Variants in FLT4 observed in about 807,000 individuals in gnomAD.
FLT4 encodes the protein fms related receptor tyrosine kinase 4.
Under a neutral mutation model 163.2 loss-of-function variants are expected in FLT4, and 30 were observed. That is an observed-to-expected ratio of 0.18 (90% CI 0.14 to 0.25). The LOEUF (loss-of-function observed/expected upper bound fraction) is 0.25. FLT4 is among the 10% of genes least tolerant of loss of function. The pLI is 1.00. For synonymous variants in FLT4, 884 were observed against 789.5 expected, an observed-to-expected ratio of 1.12 and a Z score of -2.01; for missense variants, 1,510 against 1,863.8, an observed-to-expected ratio of 0.81 and a Z score of 3.50.
intron 22 of FLT4, among the ~76,000 whole-genome samples, 183 bp downstream of exon 22, chr5:180,616,717 G>A (rs182247208): frequency 2.7e-4 from 41 of 152,304 alleles, no homozygotes; most frequent in African/African-American, 9.9e-4. Flanking sequence ...CTCTGCTGCT[G>A]ACCAGCCAAG....
intron 1 of FLT4, among the ~76,000 whole-genome samples, chr5:180,642,922 C>T (rs967426723): frequency 7.9e-5 from 12 of 152,236 alleles, no homozygotes; most frequent in South Asian, 4.1e-4. Context: ...CACAGCCCTA[C>T]GCATGTGTGC....
intron 21 of FLT4, among the ~76,000 whole-genome samples, chr5:180,617,870 G>C (rs442186): frequency 5.8e-5 from 1 of 17,132 alleles, no homozygotes; most frequent in African/African-American, 2.5e-4. Flanking sequence ...GGACACCCAC[G>C]TCCTATTCCA....
chr5:180,642,172 A>C (rs1195452706), intron 1 of FLT4, among the ~76,000 whole-genome samples: 47 of 149,508 alleles, frequency 3.1e-4, no homozygotes, highest in Non-Finnish European at 2.4e-4. Context: ...GCGCCACTGC[A>C]CTCCAGCTTG....
At chr5:180,642,546 C>G (rs1454401699) in intron 1 of FLT4, among the ~76,000 whole-genome samples, 1 of 152,186 alleles carries the variant, frequency 6.6e-6, no homozygotes, top group Admixed American at 6.5e-5. Flanking sequence ...CTGTCCTGCT[C>G]GCTGGATGTA....
chr5:180,647,916 G>C (rs1022269170), intron 1 of FLT4, among the ~76,000 whole-genome samples: 2 of 152,112 alleles, frequency 1.3e-5, no homozygotes, highest in African/African-American at 4.8e-5. Flanking sequence ...CAGGACACTG[G>C]CCTCTCCTGG....
At chr5:180,614,938 C>G (rs1313484131) in intron 23 of FLT4, among the ~76,000 whole-genome samples, 2 of 152,176 alleles carry the variant, frequency 1.3e-5, no homozygotes, top group Non-Finnish European at 2.9e-5. Flanking sequence ...GCACCTGCTG[C>G]CCTGCCTGAG....
intron 21 of FLT4, among the ~76,000 whole-genome samples, chr5:180,617,891 T>C (rs452042): frequency 5.0e-4 from 8 of 15,964 alleles, no homozygotes; most frequent in Non-Finnish European, 6.8e-4. Flanking sequence ...GAGCACCCTC[T>C]CCTGCCACTC....
At chr5:180,625,262 C>A (rs1763511460) in intron 10 of FLT4, among the ~76,000 whole-genome samples, 1 of 152,246 alleles carries the variant, frequency 6.6e-6, no homozygotes, top group Admixed American at 6.5e-5. Context: ...CCTCTCACCC[C>A]CTGCTTGTCT....
intron 20 of FLT4, 43 bp downstream of exon 20, chr5:180,618,978 C>CA (rs768202218): frequency 4.7e-5 from 73 of 1,552,670 alleles, no homozygotes; most frequent in Non-Finnish European, 6.0e-5. Context: ...GAGGCGCCTC[C>CA]ATTCCCCCGC....
Position 180,621,822 on chromosome 5 carries a change from G to C in FLT4, c.1740C>G (p.Ala580=). 1 of 1,613,290 alleles carries C rather than the reference G, an allele frequency of 6.2e-7. No homozygotes were observed. The highest frequency in any genetic ancestry group is 1.1e-5 in the South Asian group (1 of 91,086). Residue 580 remains alanine (A), a synonymous_variant, in exon 13 of 30, where the codon GCC becomes GCG. Transcript: ENST00000261937. ...EGQPVLLSCQ[A]DSYKYEHLRW... ...GCAGATGCTCGTACTTGTAGCTGTC[G>C]GCTTGGCAGCTCAGGAGCACCGGCT...
At chr5:180,604,505 GAGAGGTCCTTCAAGTT>G (rs1761684339) in intron 29 of FLT4, among the ~76,000 whole-genome samples, 1 of 152,120 alleles carries the variant, frequency 6.6e-6, no homozygotes, top group Non-Finnish European at 1.5e-5. Flanking sequence ...CCACCCTTCA[GAGAGGTCCTTCAAGTT>G]ACACTATGTC....
chr5:180,649,214 G>T (rs777452391), intron 1 of FLT4, among the ~76,000 whole-genome samples: 59 of 151,850 alleles, frequency 3.9e-4, no homozygotes, highest in Non-Finnish European at 7.9e-4. Flanking sequence ...AGCCACCGAC[G>T]GAGACGCGGA....
rs775336901 is a variant in FLT4, at chr5:180,621,002, C to G, written c.2173G>C (p.Asp725His). ...ERLLEEKSGV[D>H]LADSNQKLSI... Reference sequence around the variant, plus strand: ...AGCTTCTGGTTGGAGTCCGCCAAGTCGACTCCTGCAGGGGGTGGGGTGGAG... The same window carrying G: ...AGCTTCTGGTTGGAGTCCGCCAAGTGGACTCCTGCAGGGGGTGGGGTGGAG... The change falls in exon 15 of 30, where the codon GAC becomes CAC. Residue 725 changes from aspartate (D) to histidine (H), a missense_variant. By Grantham distance (81) the Asp-to-His change is moderately conservative. Coordinates refer to ENST00000261937, the MANE Select transcript of FLT4 (RefSeq NM_182925.5). 6.2e-7 allele frequency: 1 copy of G among 1,611,426 alleles called. No homozygotes were observed. Among genetic ancestry groups the G allele is most frequent in the Non-Finnish European group, 8.5e-7 (1 of 1,179,012 alleles).
At chr5:180,640,679 G>A (rs149503590) in intron 1 of FLT4, among the ~76,000 whole-genome samples, 2 of 152,238 alleles carry the variant, frequency 1.3e-5, no homozygotes, top group Admixed American at 6.5e-5. Context: ...AGCCCAGTGA[G>A]AGCTGCTGGG....
Position 180,621,401 on chromosome 5 carries a change from G to A in FLT4, c.2020+141C>T. The A allele has an allele frequency of 3.5e-6, 5 of 1,415,462 alleles. No homozygotes were observed. The South Asian group carries it at 5.4e-5, about 15-fold the overall frequency. The allele number at this position is 1,415,462 out of a possible 1,614,324, so 87.7% of individuals were successfully genotyped here. ...GGAGCGCGGCGCGCCTCCGCAGGGG[G>A]CGGCGGATAGTCAGGAGGGGTAGCT... On this transcript the variant is annotated intron_variant, in intron 13 of 29. Coordinates refer to ENST00000261937, the MANE Select transcript of FLT4 (RefSeq NM_182925.5).
intron 29 of FLT4, among the ~76,000 whole-genome samples, chr5:180,606,554 C>T (rs1761794373): frequency 6.6e-6 from 1 of 152,246 alleles, no homozygotes; most frequent in African/African-American, 2.4e-5. Flanking sequence ...CAGGCCTGGG[C>T]TGAGCGGCCT....
intron 29 of FLT4, among the ~76,000 whole-genome samples, chr5:180,606,329 A>C (rs1761780291): frequency 6.6e-6 from 1 of 152,228 alleles, no homozygotes; most frequent in South Asian, 2.1e-4. Flanking sequence ...ATGGCTGCCC[A>C]GTGCCTCGGG....
Position 180,620,266 on chromosome 5 carries a change from T to G in FLT4, c.2449A>C (p.Met817Leu). Residue 817 changes from methionine (M) to leucine (L), a missense_variant, in exon 17 of 30, where the codon ATG becomes CTG. Transcript: ENST00000261937. This position sits in a 1 kb window ranked among gnomAD's most constrained non-coding sequence, Gnocchi z 4.4. ...DIKTGYLSII[M>L]DPGEVPLEEQ... ...TCCAGAGGCACCTCCCCGGGGTCCA[T>G]GATGATGGACAGGTAGCCCGTCTTG... is the stretch of plus-strand genomic sequence containing the variant. 2 of 1,611,898 alleles carry G rather than the reference T, an allele frequency of 1.2e-6. No individual in the cohort carries two copies. The highest frequency in any genetic ancestry group is 1.7e-6 in the Non-Finnish European group (2 of 1,179,880).
In FLT4 at chr5:180,616,219, G is replaced by T. The variant is rs182703447; in HGVS notation, c.3219+148C>A. ...TCAGTAGGGTCCCCTGGGGGCAGGA[G>T]GTCCACCAGCAGCTGGGCACATGGC... On this transcript the variant is annotated intron_variant, in intron 23 of 29. Coordinates refer to ENST00000261937, the MANE Select transcript of FLT4 (RefSeq NM_182925.5). The T allele has an allele frequency of 5.1e-5, 57 of 1,125,166 alleles. No homozygotes were observed. The Middle Eastern group carries it at 1.2e-3, about 24-fold the overall frequency. The allele number at this position is 1,125,166 out of a possible 1,614,324, so 69.7% of individuals were successfully genotyped here. A position where few individuals can be genotyped will look rare whatever the true frequency, so the allele number is the denominator to read the frequency against.
Sources: gnomAD v4.1 joint callset for allele counts (sites outside exome capture counted in the v4.1 genomes callset) on GRCh38, gnomAD v4.1.1 for gene constraint, Gnocchi (gnomAD v3.1) non-coding constraint, MANE v1.5 for transcripts, NCBI Gene and HGNC (gene_info 2026-07-23, HGNC 2026-07-21) for gene names.